The following SGCD variants were observed in gnomAD, a reference collection of about 807,000 sequenced individuals.
The protein encoded by SGCD is delta-sarcoglycan.
A neutral mutation model predicts 36.6 loss-of-function variants in SGCD; 18 were observed. That is an observed-to-expected ratio of 0.49 (90% CI 0.34 to 0.73). The LOEUF (loss-of-function observed/expected upper bound fraction) is 0.73. SGCD is among the 30% of genes least tolerant of loss of function. SGCD has a pLI of 0.01. For synonymous variants in SGCD, 133 were observed against 130.6 expected, an observed-to-expected ratio of 1.02 and a Z score of -0.12; for missense variants, 387 against 346.7, an observed-to-expected ratio of 1.12 and a Z score of -0.92.
intron 1 of SGCD, among the ~76,000 whole-genome samples, chr5:155,885,528 A>G (rs1755978575): frequency 1.9e-5 from 1 of 53,668 alleles, no homozygotes. Context: ...TATGAACAGA[A>G]TGCTTATTTT....
intron 1 of SGCD, among the ~76,000 whole-genome samples, chr5:156,094,734 G>A (rs1247002201): frequency 6.6e-6 from 1 of 152,154 alleles, no homozygotes; most frequent in Admixed American, 6.5e-5. Context: ...TGGGCATGGT[G>A]ACTTACACCT....
intron 3 of SGCD, among the ~76,000 whole-genome samples, chr5:156,467,991 A>G (rs1754788727): frequency 6.6e-6 from 1 of 152,104 alleles, no homozygotes; most frequent in South Asian, 2.1e-4. Context: ...CTGCTTGCTC[A>G]CTCTGCAGTG....
intron 3 of SGCD, among the ~76,000 whole-genome samples, chr5:156,260,464 C>G (rs1180351036): frequency 1.3e-5 from 2 of 151,980 alleles, no homozygotes; most frequent in Non-Finnish European, 2.9e-5. Context: ...TATATTTATT[C>G]CAAGATATTT....
chr5:155,909,486 A>G (rs1756588398), intron 1 of SGCD, among the ~76,000 whole-genome samples: 1 of 152,154 alleles, frequency 6.6e-6, no homozygotes, highest in African/African-American at 2.4e-5. Flanking sequence ...ATTGAGGGAA[A>G]GCTTTATCTG....
At chr5:155,886,060 G>A (rs1167261718) in intron 1 of SGCD, among the ~76,000 whole-genome samples, 1 of 152,064 alleles carries the variant, frequency 6.6e-6, no homozygotes, top group African/African-American at 2.4e-5. Context: ...CTTATCTTGG[G>A]CTTTTAGAGA....
At chr5:156,696,907 T>C (rs1754337284) in intron 7 of SGCD, among the ~76,000 whole-genome samples, 1 of 138,554 alleles carries the variant, frequency 7.2e-6, no homozygotes, top group Non-Finnish European at 1.5e-5. Context: ...CCCATCATCC[T>C]TACACACAAC....
At chr5:155,997,609 C>A (rs927887144) in intron 1 of SGCD, among the ~76,000 whole-genome samples, 1 of 152,184 alleles carries the variant, frequency 6.6e-6, no homozygotes, top group Non-Finnish European at 1.5e-5. Flanking sequence ...TTGGCTTTTG[C>A]CAGAGAATTT....
intron 4 of SGCD, among the ~76,000 whole-genome samples, chr5:156,540,155 G>T (rs1012645834): frequency 1.7e-4 from 26 of 152,118 alleles, no homozygotes; most frequent in Admixed American, 1.2e-3. Context: ...TGACTCTAAA[G>T]TCTGTATTTT....
chr5:155,868,370 T>C (rs977331657), upstream of SGCD, among the ~76,000 whole-genome samples: 5 of 148,518 alleles, frequency 3.4e-5, no homozygotes, highest in East Asian at 7.8e-4. Flanking sequence ...CTTTTTTTTT[T>C]TTTTTTTTTT....
At chr5:156,620,136 C>T (rs1396214310) in intron 6 of SGCD, among the ~76,000 whole-genome samples, 1 of 152,204 alleles carries the variant, frequency 6.6e-6, no homozygotes, top group Non-Finnish European at 1.5e-5. Context: ...AATGGTACAA[C>T]ACTGGGTAAG....
chr5:156,083,640 C>T (rs1392496592), intron 1 of SGCD, among the ~76,000 whole-genome samples: 1 of 150,236 alleles, frequency 6.7e-6, no homozygotes. Context: ...TTTGGTATCA[C>T]ATTTAAAGAC....
intron 7 of SGCD, among the ~76,000 whole-genome samples, chr5:156,708,660 A>ACAC (rs1387893156): frequency 4.2e-5 from 1 of 23,932 alleles, no homozygotes; most frequent in East Asian, 5.8e-3. Context: ...TACTCTTCAA[A>ACAC]TACATTGTAA....
At chr5:155,862,130 A>G in the SGCD span, among the ~76,000 whole-genome samples, 3 of 152,064 alleles carry the variant, frequency 2.0e-5, no homozygotes, top group African/African-American at 4.8e-5. Flanking sequence ...GCTGAGAACA[A>G]CTGTGTATGA....
At chr5:156,363,527 T>C (rs539174807) in intron 3 of SGCD, among the ~76,000 whole-genome samples, 1 of 152,324 alleles carries the variant, frequency 6.6e-6, no homozygotes, top group East Asian at 1.9e-4. Context: ...CAAATTTCAT[T>C]GATCAGCTCA....
At chr5:155,778,184 T>C in the SGCD span, among the ~76,000 whole-genome samples, 27 of 152,324 alleles carry the variant, frequency 1.8e-4, no homozygotes, top group Non-Finnish European at 3.5e-4. Context: ...TCTAGGATAA[T>C]GCACATGGTA....
the SGCD span, among the ~76,000 whole-genome samples, chr5:155,728,093 G>T: frequency 6.6e-6 from 1 of 152,148 alleles, no homozygotes; most frequent in Non-Finnish European, 1.5e-5. Context: ...TCTTCCTGGA[G>T]CTGCAGACGA....
the SGCD span, among the ~76,000 whole-genome samples, chr5:155,782,503 A>T: frequency 6.6e-6 from 1 of 152,208 alleles, no homozygotes; most frequent in South Asian, 2.1e-4. Context: ...CTAGTTCATT[A>T]TTAGTAGTAA....
chr5:156,224,210 C>A (rs756961267), intron 3 of SGCD, among the ~76,000 whole-genome samples: 2 of 151,910 alleles, frequency 1.3e-5, no homozygotes, highest in Non-Finnish European at 2.9e-5. Context: ...CATGGTTACA[C>A]GGTCAATAAA....
chr5:156,365,070 A>C (rs1166237290), intron 3 of SGCD, among the ~76,000 whole-genome samples: 1 of 152,222 alleles, frequency 6.6e-6, no homozygotes, highest in Non-Finnish European at 1.5e-5. Flanking sequence ...ATGACAGTAT[A>C]AAAATGTGCA....
Sources: allele counts gnomAD v4.1 joint callset (sites outside exome capture counted in the v4.1 genomes callset), GRCh38; gene constraint gnomAD v4.1.1; transcripts MANE v1.5; gene names NCBI Gene and HGNC (gene_info 2026-07-23, HGNC 2026-07-21).